OPCML: variants seen among roughly 807,000 people sequenced by gnomAD.
OPCML encodes opioid-binding protein/cell adhesion molecule.
In OPCML, 13 loss-of-function variants were observed where a neutral mutation model predicts 37.8. The ratio of observed to expected loss-of-function variants is 0.34; its 90% confidence interval spans 0.22 to 0.55. OPCML has a LOEUF of 0.55. Ranked by LOEUF, OPCML falls within the 20% of genes least tolerant of loss-of-function variation. The probability of loss-of-function intolerance (pLI) is 0.91; values close to 1 mark genes in which losing one functional copy is unlikely to be tolerated. For missense variants in OPCML, 341 were observed against 435.6 expected (o/e 0.78, Z 1.93); for synonymous variants, 176 against 168.8 (o/e 1.04, Z -0.33).
At chr11:133,057,438 C>T (rs2136980132) in intron 1 of OPCML, among the ~76,000 whole-genome samples, 1 of 152,252 alleles carries the variant, frequency 6.6e-6, no homozygotes, top group East Asian at 1.9e-4. Context: ...CTGTCCTGCT[C>T]TGTGCCTTGG....
chr11:133,282,379 C>T (rs889049896), intron 1 of OPCML, among the ~76,000 whole-genome samples: 2 of 152,198 alleles, frequency 1.3e-5, no homozygotes, highest in Non-Finnish European at 2.9e-5. Context: ...AGAGTGCAGG[C>T]CATAAGCCTT....
intron 2 of OPCML, among the ~76,000 whole-genome samples, chr11:132,826,300 G>T (rs139093346): frequency 2.0e-5 from 3 of 152,306 alleles, no homozygotes; most frequent in Non-Finnish European, 4.4e-5. Context: ...AGTTTTTGAT[G>T]GCAATTGTCA....
intron 1 of OPCML, among the ~76,000 whole-genome samples, chr11:133,012,923 C>A (rs1035995122): frequency 6.6e-6 from 1 of 151,798 alleles, no homozygotes; most frequent in African/African-American, 2.4e-5. Flanking sequence ...TTTCCCACAG[C>A]ATCCTGGATA....
chr11:133,202,788 T>G (rs758241600), intron 1 of OPCML, among the ~76,000 whole-genome samples: 10 of 152,224 alleles, frequency 6.6e-5, no homozygotes, highest in Admixed American at 2.6e-4. Flanking sequence ...GGACCCAACA[T>G]GCTGCTTCAT....
At chr11:132,672,971 T>C (rs1172988828) in intron 2 of OPCML, among the ~76,000 whole-genome samples, 1 of 152,160 alleles carries the variant, frequency 6.6e-6, no homozygotes, top group African/African-American at 2.4e-5. Context: ...ATTTTGCTTC[T>C]CTAAGAAATA....
intron 3 of OPCML, among the ~76,000 whole-genome samples, chr11:132,546,398 G>A (rs1183134563): frequency 6.6e-6 from 1 of 152,134 alleles, no homozygotes; most frequent in Non-Finnish European, 1.5e-5. Flanking sequence ...AGTATACACT[G>A]CACCCAATGT....
At chr11:132,457,612 A>G (rs2096086924) in intron 4 of OPCML, among the ~76,000 whole-genome samples, 1 of 152,206 alleles carries the variant, frequency 6.6e-6, no homozygotes, top group Non-Finnish European at 1.5e-5. Context: ...TGCCAAAGCA[A>G]TAAGACCTCC....
At chr11:132,470,842 C>T (rs950647808) in intron 4 of OPCML, among the ~76,000 whole-genome samples, 1 of 152,046 alleles carries the variant, frequency 6.6e-6, no homozygotes. Flanking sequence ...AGCATCATAT[C>T]GCTGATGTGT....
chr11:132,763,270 C>A (rs1424123257), intron 2 of OPCML, among the ~76,000 whole-genome samples: 1 of 152,188 alleles, frequency 6.6e-6, no homozygotes, highest in African/African-American at 2.4e-5. Context: ...GCCATCTTGC[C>A]AGGCCCCCAT....
At chr11:132,476,167 C>G (rs144279259) in intron 4 of OPCML, among the ~76,000 whole-genome samples, 1 of 152,312 alleles carries the variant, frequency 6.6e-6, no homozygotes, top group African/African-American at 2.4e-5. Flanking sequence ...TTCAAAAAAT[C>G]TTAGAAATCA....
chr11:133,251,733 G>T (rs1941141718), intron 1 of OPCML, among the ~76,000 whole-genome samples: 3 of 152,266 alleles, frequency 2.0e-5, no homozygotes, highest in African/African-American at 7.2e-5. Context: ...AATGCACCAG[G>T]CATTCGAAAG....
rs1284919704 is a variant in OPCML, at chr11:133,140,652, G to GAA, written c.62-197643_62-197642insTT. Among the ~76,000 whole-genome samples the GAA allele has an allele frequency of 3.2e-3, 351 of 109,212 alleles. 1 individual carries two copies. The highest frequency in any genetic ancestry group is 7.8e-3 in the African/African-American group (242 of 30,954). The allele number at this position is 109,212 out of a possible 152,430, so 71.6% of individuals were successfully genotyped here. A position where few individuals can be genotyped will look rare whatever the true frequency, so the allele number is the denominator to read the frequency against. On this transcript the variant is annotated intron_variant, in intron 1 of 7. Coordinates refer to ENST00000524381, the MANE Select transcript of OPCML (RefSeq NM_001012393.5). ...AGAGGAGGAAGAGGAGGAAGAGGAA[G>GAA]AGGAAGAAAAGAAGAAAAGAAGAAA...
At chr11:133,423,341 C>A in intron 1 of OPCML, 1 of 985,400 alleles carries the variant, frequency 1.0e-6, no homozygotes, top group Non-Finnish European at 1.2e-6. Flanking sequence ...ATCTGTTGGT[C>A]ATGTGAGCTA....
At chr11:132,670,727 G>T (rs541419780) in intron 2 of OPCML, among the ~76,000 whole-genome samples, 21 of 152,138 alleles carry the variant, frequency 1.4e-4, no homozygotes, top group South Asian at 6.2e-4. Context: ...AATATCCAAA[G>T]AAACTATTTT....
chr11:132,528,140 T>A (rs2096313657), intron 4 of OPCML, among the ~76,000 whole-genome samples: 1 of 152,172 alleles, frequency 6.6e-6, no homozygotes, highest in African/African-American at 2.4e-5. Flanking sequence ...TAATATGAAT[T>A]TATCACTTTT....
chr11:132,496,750 C>T (rs1199249069), intron 4 of OPCML, among the ~76,000 whole-genome samples: 1 of 152,200 alleles, frequency 6.6e-6, no homozygotes, highest in Non-Finnish European at 1.5e-5. Flanking sequence ...AAATCTAAGA[C>T]TAAGAGAGTC....
chr11:133,524,025 T>G (rs1948442967), intron 1 of OPCML, among the ~76,000 whole-genome samples: 2 of 152,218 alleles, frequency 1.3e-5, no homozygotes, highest in South Asian at 4.1e-4. Flanking sequence ...TGTCTGTCTC[T>G]CCCTCTGGAC....
chr11:132,529,965 C>T (rs1032822850), intron 3 of OPCML, among the ~76,000 whole-genome samples: 2 of 152,214 alleles, frequency 1.3e-5, no homozygotes, highest in Non-Finnish European at 2.9e-5. Context: ...TTTAATTCCT[C>T]ACCTGCTACA....
At chr11:133,346,821 G>A (rs1944012549) in intron 1 of OPCML, among the ~76,000 whole-genome samples, 1 of 152,084 alleles carries the variant, frequency 6.6e-6, no homozygotes, top group Non-Finnish European at 1.5e-5. Flanking sequence ...TAGCTATGGG[G>A]TTTTCTGTGC....
Sources: allele counts gnomAD v4.1 joint callset (sites outside exome capture counted in the v4.1 genomes callset), GRCh38; gene constraint gnomAD v4.1.1; transcripts MANE v1.5; gene names NCBI Gene and HGNC (gene_info 2026-07-23, HGNC 2026-07-21).